REPS1: variants seen among roughly 807,000 people sequenced by gnomAD.
The protein encoded by REPS1 is ralBP1-associated Eps domain-containing protein 1.
A neutral mutation model predicts 100.9 loss-of-function variants in REPS1; 39 were observed. The ratio of observed to expected loss-of-function variants is 0.39; its 90% CI spans 0.30 to 0.50. The LOEUF (loss-of-function observed/expected upper bound fraction) is 0.50. Among genes scored for constraint, REPS1 ranks in the 20% least tolerant of loss-of-function variants. The probability of loss-of-function intolerance (pLI) is 0.86; values close to 1 mark genes in which losing one functional copy is unlikely to be tolerated. For synonymous variants in REPS1, 324 were observed against 340.3 expected, an observed-to-expected ratio of 0.95 and a Z score of 0.53; for missense variants, 821 against 968.5, an observed-to-expected ratio of 0.85 and a Z score of 2.02.
rs772042914 is a variant in REPS1, at chr6:138,908,760, T to C, written c.2124A>G (p.Lys708=). The stretch of plus-strand genomic sequence containing the variant: ...CTTCTGGCCTTAATTCATCTTCTGA[T>C]TTTAATCTTCTTCGAACAGGTTTAG... ...PPPKPVRRRL[K]SEDELRPEVD... Residue 708 remains lysine, a synonymous_variant, in exon 18 of 20, where the codon AAA becomes AAG. Coordinates refer to ENST00000450536, the MANE Select transcript of REPS1 (RefSeq NM_001286611.2). 5 of 1,614,078 alleles carry C rather than the reference T, an allele frequency of 3.1e-6. No homozygotes were observed. The Admixed American group carries it at 5.0e-5, about 16-fold the overall frequency.
At chr6:138,943,733 CAAAT>C (rs2128473713) in intron 6 of REPS1, 116 bp downstream of exon 6, 1 of 1,061,032 alleles carries the variant, frequency 9.4e-7, no homozygotes, top group Non-Finnish European at 1.3e-6. Flanking sequence ...TCTTTTTAGA[CAAAT>C]AATCTGATAA....
intron 6 of REPS1, 33 bp from the exon 7 acceptor site, chr6:138,943,609 T>C (rs372363251): frequency 4.8e-5 from 71 of 1,466,926 alleles, no homozygotes; most frequent in Non-Finnish European, 6.5e-5. Context: ...TTTAATGTTA[T>C]TCTGAACTTA....
intron 5 of REPS1, 86 bp downstream of exon 5, chr6:138,944,412 T>C (rs1782475921): frequency 1.4e-6 from 2 of 1,445,130 alleles, no homozygotes; most frequent in Non-Finnish European, 1.9e-6. Flanking sequence ...ATTTATAAAA[T>C]CTGCAACAGC....
intron 14 of REPS1, 177 bp from the exon 15 acceptor site, chr6:138,914,938 C>A (rs1780252468): frequency 1.7e-6 from 1 of 584,248 alleles, no homozygotes; most frequent in East Asian, 3.1e-5. Flanking sequence ...CCAAATCTCA[C>A]AGCCTTTCAT....
chr6:138,943,338 C>A (rs1192479849), intron 7 of REPS1, among the ~76,000 whole-genome samples, 175 bp downstream of exon 7: 1 of 152,178 alleles, frequency 6.6e-6, no homozygotes, highest in Non-Finnish European at 1.5e-5. Flanking sequence ...GTATCAGTAT[C>A]ACTTATTTCT....
intron 8 of REPS1, among the ~76,000 whole-genome samples, chr6:138,939,399 T>G (rs971313527): frequency 9.2e-5 from 14 of 152,276 alleles, no homozygotes; most frequent in African/African-American, 3.1e-4. Flanking sequence ...GGTGTAAAAT[T>G]AGACAAAAAG....
rs1782248595 is a variant in REPS1, at chr6:138,941,542, A to T, written c.981-53T>A. ...ATCACATTCCGCTTTGGATCCTTTTATTTCTCAAAAAGAAGCAAGAGAAAT... is the reference window on the plus strand; with the variant it reads ...ATCACATTCCGCTTTGGATCCTTTTTTTTCTCAAAAAGAAGCAAGAGAAAT... On this transcript the variant is annotated intron_variant, in intron 7 of 19. Transcript: ENST00000450536. The T allele has an allele frequency of 8.6e-6, 13 of 1,513,352 alleles. 1 individual carries two copies. The South Asian group carries it at 1.4e-4, about 17-fold the overall frequency. 93.7% of individuals were successfully genotyped at this position (1,513,352 alleles called of 1,614,324 possible). A position where few individuals can be genotyped will look rare whatever the true frequency, so the allele number is the denominator to read the frequency against.
chr6:138,930,306 C>T (rs1477756826), intron 8 of REPS1, among the ~76,000 whole-genome samples: 1 of 152,082 alleles, frequency 6.6e-6, no homozygotes, highest in Admixed American at 6.6e-5. Flanking sequence ...CACAGCTTTT[C>T]ATGAAAATAA....
At chr6:138,921,798 G>C (rs1198090122) in intron 10 of REPS1, among the ~76,000 whole-genome samples, 2 of 151,764 alleles carry the variant, frequency 1.3e-5, no homozygotes, top group Non-Finnish European at 2.9e-5. Context: ...GGCTGGTCTC[G>C]AACTCCTGAC....
At chr6:138,918,290 A>G (rs370783256) in intron 12 of REPS1, among the ~76,000 whole-genome samples, 71 of 152,244 alleles carry the variant, frequency 4.7e-4, no homozygotes, top group African/African-American at 1.6e-3. Flanking sequence ...GTATTATAAG[A>G]AATCTAGAGA....
At chr6:138,926,687 AAGTAT>A in intron 9 of REPS1, 1 of 522,390 alleles carries the variant, frequency 1.9e-6, no homozygotes, top group Non-Finnish European at 3.4e-6. Context: ...TCACAATCAA[AAGTAT>A]AGTAATGATT....
chr6:138,974,986 C>A (rs1373639121), intron 1 of REPS1, among the ~76,000 whole-genome samples: 4 of 151,482 alleles, frequency 2.6e-5, no homozygotes, highest in Admixed American at 6.6e-5. Flanking sequence ...CAGAGTGAGA[C>A]CCTGTCTCAA....
chr6:138,916,975 C>G (rs1780441175), intron 13 of REPS1, among the ~76,000 whole-genome samples: 1 of 152,224 alleles, frequency 6.6e-6, no homozygotes, highest in Non-Finnish European at 1.5e-5. Context: ...ATTCTGCATC[C>G]TCGCTACATC....
intron 8 of REPS1, among the ~76,000 whole-genome samples, chr6:138,933,163 T>C (rs949682554): frequency 6.6e-6 from 1 of 152,232 alleles, no homozygotes. Context: ...TTTGATGTAG[T>C]ACCAAAGAAT....
intron 1 of REPS1, among the ~76,000 whole-genome samples, chr6:138,956,874 T>A (rs1783424653): frequency 6.6e-6 from 1 of 150,942 alleles, no homozygotes; most frequent in East Asian, 1.9e-4. Flanking sequence ...TCTGATAGAT[T>A]TTAGAAAATA....
chr6:138,930,129 A>G (rs1444096573), intron 8 of REPS1, 31 bp from the exon 9 acceptor site: 8 of 1,594,344 alleles, frequency 5.0e-6, no homozygotes, highest in Non-Finnish European at 6.9e-6. Context: ...AATTCTCTAT[A>G]AAGACTACAT....
chr6:138,925,806 T>G (rs1028667638), intron 10 of REPS1, among the ~76,000 whole-genome samples: 1 of 152,236 alleles, frequency 6.6e-6, no homozygotes, highest in Non-Finnish European at 1.5e-5. Context: ...ACAGAATTTA[T>G]TTTTTAAATC....
chr6:138,917,075 G>A (rs1780447015), intron 13 of REPS1, among the ~76,000 whole-genome samples: 1 of 152,150 alleles, frequency 6.6e-6, no homozygotes, highest in Non-Finnish European at 1.5e-5. Context: ...TTAGTGGATG[G>A]TAAAGCCCTT....
At chr6:138,965,375 AAAAC>A (rs1783960590) in intron 1 of REPS1, among the ~76,000 whole-genome samples, 1 of 152,152 alleles carries the variant, frequency 6.6e-6, no homozygotes, top group Non-Finnish European at 1.5e-5. Flanking sequence ...CTTTAAAAAA[AAAAC>A]AAATAAGATT....
Sources: allele counts gnomAD v4.1 joint callset (sites outside exome capture counted in the v4.1 genomes callset), GRCh38; gene constraint gnomAD v4.1.1; transcripts MANE v1.5; gene names NCBI Gene and HGNC (gene_info 2026-07-23, HGNC 2026-07-21).